F13A1: variants seen among roughly 807,000 people sequenced by gnomAD.
F13A1 encodes the protein coagulation factor XIII A chain.
A neutral mutation model predicts 80.1 loss-of-function variants in F13A1; 47 were observed. The observed-to-expected ratio is 0.59, with a 90% CI of 0.46 to 0.75. The LOEUF (loss-of-function observed/expected upper bound fraction) is 0.75. Ranked by LOEUF, F13A1 falls within the 30% of genes least tolerant of loss-of-function variation. The pLI is 0.00. For missense variants in F13A1, 817 were observed against 930.4 expected, an observed-to-expected ratio of 0.88 and a Z score of 1.59; for synonymous variants, 349 against 344.9, an observed-to-expected ratio of 1.01 and a Z score of -0.13.
chr6:6,306,190 A>G lies in F13A1; in HGVS notation c.131-651T>C, dbSNP rs145859429. ...CCATGAGATAAGTGTGATTGTTTTCAGTGACACAGAAACTATCCTCAGCTT... is the reference window on the plus strand; with the variant it reads ...CCATGAGATAAGTGTGATTGTTTTCGGTGACACAGAAACTATCCTCAGCTT... On this transcript the variant is annotated intron_variant, in intron 2 of 14. Coordinates refer to ENST00000264870, the MANE Select transcript of F13A1 (RefSeq NM_000129.4). 1.2e-4 allele frequency among the ~76,000 whole-genome samples: 19 copies of G among 152,350 alleles called. No homozygotes were observed. In the East Asian group the frequency reaches 2.3e-3, roughly 19 times the overall value.
intron 4 of F13A1, among the ~76,000 whole-genome samples, chr6:6,262,633 A>G (rs981309281): frequency 6.6e-6 from 1 of 151,646 alleles, no homozygotes; most frequent in African/African-American, 2.4e-5. Flanking sequence ...ACTAGCTCAC[A>G]TCTTCCCTAT....
intron 3 of F13A1, among the ~76,000 whole-genome samples, chr6:6,290,762 C>T (rs1758212384): frequency 6.6e-6 from 1 of 152,136 alleles, no homozygotes; most frequent in African/African-American, 2.4e-5. Context: ...ATCATCAATG[C>T]AGAAACCCAT....
At chr6:6,237,537 G>A (rs985010530) in intron 6 of F13A1, among the ~76,000 whole-genome samples, 7 of 152,004 alleles carry the variant, frequency 4.6e-5, no homozygotes, top group African/African-American at 1.7e-4. Context: ...TGTTATTCTC[G>A]CTCCCTGGAA....
At chr6:6,190,194 T>C (rs1761160107) in intron 10 of F13A1, among the ~76,000 whole-genome samples, 1 of 152,122 alleles carries the variant, frequency 6.6e-6, no homozygotes, top group Non-Finnish European at 1.5e-5. Context: ...TCAGAGTAAT[T>C]TGATCGTCTG....
intron 4 of F13A1, among the ~76,000 whole-genome samples, chr6:6,261,102 G>A (rs2608858): frequency 0.27 from 41,137 of 151,932 alleles, 5,802 homozygotes; most frequent in South Asian, 0.43. Context: ...CTGAGTAGCT[G>A]AGATTACAGG....
At chr6:6,240,928 T>C (rs1433165699) in intron 6 of F13A1, among the ~76,000 whole-genome samples, 1 of 152,196 alleles carries the variant, frequency 6.6e-6, no homozygotes, top group Non-Finnish European at 1.5e-5. Flanking sequence ...AAAAATCTTT[T>C]TAGAGTTGGT....
At position 6,144,852 on chromosome 6, in the gene F13A1, G is replaced by A. The variant is rs528808672; in HGVS notation, c.*767C>T. 3 of 152,806 alleles carry A rather than the reference G, an allele frequency of 2.0e-5. No individual in the cohort carries two copies. The highest frequency in any genetic ancestry group is 3.9e-4 in the East Asian group (2 of 5,192). 9.5% of individuals were successfully genotyped at this position (152,806 alleles called of 1,614,324 possible). A position where few individuals can be genotyped will look rare whatever the true frequency, so the allele number is the denominator to read the frequency against. ...ACTTCCTAGTATTGCATCCCAGAAA[G>A]GGTTAAAGTAAGGGATATTGGCTCC... On this transcript the variant is annotated 3_prime_UTR_variant, in exon 15 of 15. Coordinates refer to ENST00000264870, the MANE Select transcript of F13A1 (RefSeq NM_000129.4).
intron 3 of F13A1, among the ~76,000 whole-genome samples, chr6:6,280,214 C>T (rs970533358): frequency 2.2e-4 from 33 of 152,228 alleles, no homozygotes; most frequent in African/African-American, 7.7e-4. Context: ...ACCACTTAAT[C>T]TGGAGGAGAC....
chr6:6,305,280 T>C (rs1561685654), intron 3 of F13A1, 71 bp downstream of exon 3: 2 of 1,538,882 alleles, frequency 1.3e-6, no homozygotes, highest in Non-Finnish European at 1.8e-6. Context: ...ATCACACAAC[T>C]GTGCCTGTAC....
chr6:6,198,927 G>A (rs1003930748), intron 8 of F13A1, among the ~76,000 whole-genome samples: 1 of 152,136 alleles, frequency 6.6e-6, no homozygotes, highest in South Asian at 2.1e-4. Context: ...GCTGAGGCTC[G>A]AAAGATAAAT....
At chr6:6,159,594 T>G (rs1402316600) in intron 13 of F13A1, among the ~76,000 whole-genome samples, 1 of 152,074 alleles carries the variant, frequency 6.6e-6, no homozygotes, top group Non-Finnish European at 1.5e-5. Flanking sequence ...CTGGGTCCCC[T>G]CACTGTCTCC....
At chr6:6,217,838 GT>G (rs1369072104) in intron 8 of F13A1, among the ~76,000 whole-genome samples, 2 of 152,132 alleles carry the variant, frequency 1.3e-5, no homozygotes, top group Non-Finnish European at 2.9e-5. Flanking sequence ...GTGAAAGCTG[GT>G]TAATTTCTGC....
At chr6:6,163,675 C>T (rs556615669) in intron 13 of F13A1, among the ~76,000 whole-genome samples, 50 of 152,274 alleles carry the variant, frequency 3.3e-4, no homozygotes, top group African/African-American at 1.2e-3. Flanking sequence ...TGACCTCATC[C>T]TTTTTTACAG....
chr6:6,313,984 C>CACTTTTTTTTTT lies in F13A1; in HGVS notation c.130+4550_130+4551insAAAAAAAAAAGT, dbSNP rs374113663. On this transcript the variant is annotated intron_variant, in intron 2 of 14. Coordinates refer to ENST00000264870, the MANE Select transcript of F13A1 (RefSeq NM_000129.4). Reference sequence around the variant, plus strand: ...TCTCCTGTTCTCCATTTTCTCCTTACTCTTTTTTTTTTTTGAAACGGAGTC... The same window carrying CACTTTTTTTTTT: ...TCTCCTGTTCTCCATTTTCTCCTTACACTTTTTTTTTTTCTTTTTTTTTTTTGAAACGGAGTC... Among the ~76,000 whole-genome samples the CACTTTTTTTTTT allele has an allele frequency of 3.6e-5, 5 of 139,310 alleles. 2 individuals are homozygous for CACTTTTTTTTTT. Among genetic ancestry groups the CACTTTTTTTTTT allele is most frequent in the Non-Finnish European group, 3.0e-5 (2 of 65,948 alleles). 91.4% of individuals were successfully genotyped at this position (139,310 alleles called of 152,430 possible). A position where few individuals can be genotyped will look rare whatever the true frequency, so the allele number is the denominator to read the frequency against.
At chr6:6,227,352 T>C (rs1757290915) in intron 6 of F13A1, among the ~76,000 whole-genome samples, 1 of 152,212 alleles carries the variant, frequency 6.6e-6, no homozygotes, top group African/African-American at 2.4e-5. Context: ...TTGTTCAATG[T>C]AGGAAAAAAT....
Position 6,181,869 on chromosome 6 carries a change from C to T in F13A1, c.1459+119G>A. Reference sequence around the variant, plus strand: ...TCACACGTGAAAGTTTATACTTCTGCTGTTGCTACCAAATGCTGCAAATGC... The same window carrying T: ...TCACACGTGAAAGTTTATACTTCTGTTGTTGCTACCAAATGCTGCAAATGC... On this transcript the variant is annotated intron_variant, in intron 11 of 14. Coordinates refer to ENST00000264870, the MANE Select transcript of F13A1 (RefSeq NM_000129.4). 2.8e-6 allele frequency: 3 copies of T among 1,075,848 alleles called. No individual in the cohort carries two copies. In the South Asian group the frequency reaches 3.9e-5, roughly 14 times the overall value. 66.6% of individuals were successfully genotyped at this position (1,075,848 alleles called of 1,614,324 possible). A position where few individuals can be genotyped will look rare whatever the true frequency, so the allele number is the denominator to read the frequency against.
intron 3 of F13A1, among the ~76,000 whole-genome samples, chr6:6,272,699 TA>T (rs1434477149): frequency 3.9e-5 from 6 of 152,190 alleles, no homozygotes; most frequent in African/African-American, 1.4e-4. Flanking sequence ...CCCATGGTCC[TA>T]AGATGTTGAC....
At chr6:6,274,696 C>G (rs1757964651) in intron 3 of F13A1, among the ~76,000 whole-genome samples, 3 of 152,244 alleles carry the variant, frequency 2.0e-5, no homozygotes, top group Non-Finnish European at 1.5e-5. Flanking sequence ...GCATGCCAGC[C>G]TCTTCCTGGG....
chr6:6,195,368 A>G (rs554436597), intron 10 of F13A1, among the ~76,000 whole-genome samples: 21 of 152,302 alleles, frequency 1.4e-4, no homozygotes, highest in African/African-American at 4.6e-4. Flanking sequence ...GGGTAAGACC[A>G]TGGTTGGGTG....
Sources: allele counts gnomAD v4.1 joint callset (sites outside exome capture counted in the v4.1 genomes callset), GRCh38; gene constraint gnomAD v4.1.1; transcripts MANE v1.5; gene names NCBI Gene and HGNC (gene_info 2026-07-23, HGNC 2026-07-21).